NDUFA5: variants seen among roughly 807,000 people sequenced by gnomAD.
NDUFA5 encodes the protein NADH dehydrogenase [ubiquinone] 1 alpha subcomplex subunit 5.
A neutral mutation model predicts 19.8 loss-of-function variants in NDUFA5; 11 were observed. The observed-to-expected ratio is 0.56, with a 90% CI of 0.35 to 0.92. The LOEUF is 0.92. Among genes scored for constraint, NDUFA5 ranks in the 40% least tolerant of loss-of-function variants. NDUFA5 has a pLI of 0.01. For missense variants in NDUFA5, 109 were observed against 134.2 expected, an observed-to-expected ratio of 0.81 and a Z score of 0.93; for synonymous variants, 47 against 46.8, an observed-to-expected ratio of 1.00 and a Z score of -0.01.
intron 4 of NDUFA5, among the ~76,000 whole-genome samples, 189 bp downstream of exon 4, chr7:123,545,417 AAATTC>A: frequency 6.6e-6 from 1 of 152,236 alleles, no homozygotes; most frequent in South Asian, 2.1e-4. Context: ...GAAGTCTCAT[AAATTC>A]ATGCTATAAT....
At chr7:123,577,523 C>A in the NDUFA5 span, among the ~76,000 whole-genome samples, 26 of 152,098 alleles carry the variant, frequency 1.7e-4, no homozygotes, top group Non-Finnish European at 3.7e-4. Flanking sequence ...TAATTAATTT[C>A]ATTTTGTCAT....
At chr7:123,542,425 T>C (rs1407170100) in intron 4 of NDUFA5, among the ~76,000 whole-genome samples, 1 of 152,200 alleles carries the variant, frequency 6.6e-6, no homozygotes, top group Non-Finnish European at 1.5e-5. Flanking sequence ...TCTTTTGTTA[T>C]CTTCTATTTG....
At position 123,540,842 on chromosome 7, in the gene NDUFA5, G is replaced by A. The variant is rs1355753286; in HGVS notation, c.*1277C>T. The A allele has an allele frequency of 6.7e-6, 1 of 149,086 alleles. No homozygotes were observed. Among genetic ancestry groups the A allele is most frequent in the Admixed American group, 6.7e-5 (1 of 14,876 alleles). The allele number at this position is 149,086 out of a possible 1,614,324, so 9.2% of individuals were successfully genotyped here. The stretch of plus-strand genomic sequence containing the variant: ...AGGGGAGAAATATACTGGAAAGAAG[G>A]AAAAATACCATTTTTTTCTCATTCT... On this transcript the variant is annotated 3_prime_UTR_variant, in exon 5 of 5. Coordinates refer to ENST00000355749, the MANE Select transcript of NDUFA5 (RefSeq NM_005000.5).
At position 123,541,966 on chromosome 7, in the gene NDUFA5, A is replaced by C. The variant is rs1584684485; in HGVS notation, c.*153T>G. 6 of 450,518 alleles carry C rather than the reference A, an allele frequency of 1.3e-5. No homozygotes were observed. In the East Asian group the frequency reaches 2.3e-4, roughly 17 times the overall value. The allele number at this position is 450,518 out of a possible 1,614,324, so 27.9% of individuals were successfully genotyped here. On this transcript the variant is annotated 3_prime_UTR_variant, in exon 5 of 5. Coordinates refer to ENST00000355749, the MANE Select transcript of NDUFA5 (RefSeq NM_005000.5). ...AAATCAAAAATTGATTCACATGACC[A>C]TATTACCATAATCACCAATTTTAAC...
chr7:123,583,099 T>C, the NDUFA5 span, among the ~76,000 whole-genome samples: 531 of 152,068 alleles, frequency 3.5e-3, 1 homozygote, highest in African/African-American at 0.012. Flanking sequence ...CATAAAATGA[T>C]AACATTGTAG....
chr7:123,581,414 T>TAA, the NDUFA5 span, among the ~76,000 whole-genome samples: 2,416 of 124,406 alleles, frequency 0.019, 77 homozygotes, highest in African/African-American at 0.061. Context: ...AGTGAGCACT[T>TAA]AAAAAAAAAA....
chr7:123,581,949 A>G, the NDUFA5 span, among the ~76,000 whole-genome samples: 1 of 152,066 alleles, frequency 6.6e-6, no homozygotes, highest in African/African-American at 2.4e-5. Flanking sequence ...CAAACTGTAA[A>G]GAGCTTTTTA....
At chr7:123,577,063 A>G in the NDUFA5 span, among the ~76,000 whole-genome samples, 1 of 152,162 alleles carries the variant, frequency 6.6e-6, no homozygotes, top group African/African-American at 2.4e-5. Flanking sequence ...GTAAGACAAC[A>G]TTTGTAGTTA....
chr7:123,595,108 G>A, the NDUFA5 span, among the ~76,000 whole-genome samples: 2 of 152,220 alleles, frequency 1.3e-5, no homozygotes, highest in Non-Finnish European at 2.9e-5. Flanking sequence ...GGAACTCGCT[G>A]AGCCAGGCAT....
the NDUFA5 span, among the ~76,000 whole-genome samples, chr7:123,597,343 G>A: frequency 1.3e-5 from 2 of 152,162 alleles, no homozygotes; most frequent in Non-Finnish European, 1.5e-5. Flanking sequence ...TTTATTTAAT[G>A]ATGGCTGCAA....
chr7:123,540,178 A>C lies in NDUFA5; in HGVS notation c.*1941T>G, dbSNP rs1393279048. On this transcript the variant is annotated 3_prime_UTR_variant, in exon 5 of 5. Transcript: ENST00000355749. Reference sequence around the variant, plus strand: ...AGTATCACTCTTAGGGTTGTAGTGCAGGTTTAATGAGTGAAATTAGTCAGG... The same window carrying C: ...AGTATCACTCTTAGGGTTGTAGTGCCGGTTTAATGAGTGAAATTAGTCAGG... 1.3e-5 allele frequency: 2 copies of C among 152,224 alleles called. No homozygotes were observed. The highest frequency in any genetic ancestry group is 2.9e-5 in the Non-Finnish European group (2 of 68,028). The allele number at this position is 152,224 out of a possible 1,614,324, so 9.4% of individuals were successfully genotyped here.
chr7:123,551,823 G>A (rs1181750312), intron 2 of NDUFA5, among the ~76,000 whole-genome samples: 1 of 152,036 alleles, frequency 6.6e-6, no homozygotes, highest in African/African-American at 2.4e-5. Flanking sequence ...AATATATAAT[G>A]CATATATTAG....
chr7:123,564,211 T>C, the NDUFA5 span, among the ~76,000 whole-genome samples: 1 of 152,216 alleles, frequency 6.6e-6, no homozygotes, highest in African/African-American at 2.4e-5. Flanking sequence ...CTCTCTGGAG[T>C]ACATTAAATG....
Position 123,542,476 on chromosome 7 carries a change from G to GT in NDUFA5, c.250-257dup, listed in dbSNP as rs575908522. 1.6e-3 allele frequency among the ~76,000 whole-genome samples: 239 copies of GT among 152,154 alleles called. 10 individuals carry two copies. The South Asian group carries it at 0.045, about 28-fold the overall frequency. Reference sequence around the variant, plus strand: ...AGTGTTTAAAAGTTTAGCTGGTGAGGTTTTTTATCTTAATAATATTTCACA... The same window carrying GT: ...AGTGTTTAAAAGTTTAGCTGGTGAGGTTTTTTTATCTTAATAATATTTCACA... On this transcript the variant is annotated intron_variant, in intron 4 of 4. Coordinates refer to ENST00000355749, the MANE Select transcript of NDUFA5 (RefSeq NM_005000.5).
the NDUFA5 span, among the ~76,000 whole-genome samples, chr7:123,594,670 G>T: frequency 5.3e-5 from 8 of 152,138 alleles, no homozygotes; most frequent in African/African-American, 1.9e-4. Context: ...GTCCCAGAGG[G>T]TCACCTGCCT....
In NDUFA5 at chr7:123,537,132, T is replaced by A. The variant is rs142726308; in HGVS notation, c.*4987A>T. 360 of 152,338 alleles carry A rather than the reference T, an allele frequency of 2.4e-3. 3 individuals are homozygous for A. The highest frequency in any genetic ancestry group is 8.3e-3 in the African/African-American group (346 of 41,570). The allele number at this position is 152,338 out of a possible 1,614,324, so 9.4% of individuals were successfully genotyped here. On this transcript the variant is annotated 3_prime_UTR_variant, in exon 5 of 5. Transcript: ENST00000355749. ...CTTTTCATGATAAATCTATGCATTT[T>A]CTCAGGATTTATTCCACCAAACGAC...
the NDUFA5 span, chr7:123,596,580 C>T: frequency 6.6e-6 from 1 of 151,816 alleles, no homozygotes; most frequent in Non-Finnish European, 1.5e-5. Flanking sequence ...CCAGTGCACT[C>T]CAGGCTAAGT....
Position 123,541,695 on chromosome 7 carries a change from T to C in NDUFA5, c.*424A>G. The C allele has an allele frequency of 6.6e-6, 1 of 152,628 alleles. No individual in the cohort carries two copies. The highest frequency in any genetic ancestry group is 3.4e-3 in the Middle Eastern group (1 of 294). The allele number at this position is 152,628 out of a possible 1,614,324, so 9.5% of individuals were successfully genotyped here. ...TCACATTTGAAAATATTCACTCGTA[T>C]TATTTACTTCAAACAGTAATCTATA... On this transcript the variant is annotated 3_prime_UTR_variant, in exon 5 of 5. Transcript: ENST00000355749.
Position 123,545,913 on chromosome 7 carries a change from C to A in NDUFA5, c.184-237G>T, listed in dbSNP as rs907828006. ...ACATGCTGATCAAGGGACAGAAATA[C>A]AATGTCAAATTCAGTCTTCCTAAAA... On this transcript the variant is annotated intron_variant, in intron 3 of 4. Coordinates refer to ENST00000355749, the MANE Select transcript of NDUFA5 (RefSeq NM_005000.5). 5 of 381,226 alleles carry A rather than the reference C, an allele frequency of 1.3e-5. No individual in the cohort carries two copies. In the Admixed American group the frequency reaches 2.3e-4, roughly 17 times the overall value. The allele number at this position is 381,226 out of a possible 1,614,324, so 23.6% of individuals were successfully genotyped here. A position where few individuals can be genotyped will look rare whatever the true frequency, so the allele number is the denominator to read the frequency against.
Sources: gnomAD v4.1 joint callset for allele counts (sites outside exome capture counted in the v4.1 genomes callset) on GRCh38, gnomAD v4.1.1 for gene constraint, MANE v1.5 for transcripts, NCBI Gene and HGNC (gene_info 2026-07-23, HGNC 2026-07-21) for gene names.